Variants in CFAP299 observed in about 807,000 individuals in gnomAD.
The protein encoded by CFAP299 is cilia and flagella associated protein 299, also known as cilia- and flagella-associated protein 299.
In CFAP299, 21 loss-of-function variants were observed where a neutral mutation model predicts 27.0. The ratio of observed to expected loss-of-function variants is 0.78; its 90% CI spans 0.55 to 1.12. CFAP299 has a LOEUF of 1.12. CFAP299 is among the 50% of genes most tolerant of loss of function. The probability of loss-of-function intolerance (pLI) is 0.00; values close to 1 mark genes in which losing one functional copy is unlikely to be tolerated. For missense variants in CFAP299, 310 were observed against 276.6 expected, an observed-to-expected ratio of 1.12 and a Z score of -0.86; for synonymous variants, 104 against 98.1, an observed-to-expected ratio of 1.06 and a Z score of -0.36.
intron 3 of CFAP299, among the ~76,000 whole-genome samples, chr4:80,688,396 A>C (rs956844086): frequency 3.1e-5 from 3 of 97,814 alleles, no homozygotes; most frequent in Non-Finnish European, 6.1e-5. Flanking sequence ...ACCCATGAGC[A>C]GCCTAACTGG....
rs370529672 is a variant in CFAP299 at position 80,692,525 on chromosome 4, A to G, written c.333+109342A>G. Reference sequence around the variant, plus strand: ...AGCTGAAATTGGATCCCTTCCTTACACCTTATACAAAAATCAATTCAAGAT... The same window carrying G: ...AGCTGAAATTGGATCCCTTCCTTACGCCTTATACAAAAATCAATTCAAGAT... On this transcript the variant is annotated intron_variant, in intron 3 of 5. Transcript: ENST00000358105. Among the ~76,000 whole-genome samples, 1,436 of 152,300 alleles carry G rather than the reference A, an allele frequency of 9.4e-3. 18 individuals carry two copies. The highest frequency in any genetic ancestry group is 0.062 in the South Asian group (300 of 4,830).
intron 1 of CFAP299, among the ~76,000 whole-genome samples, chr4:80,359,063 C>T (rs2109994010): frequency 6.6e-6 from 1 of 152,142 alleles, no homozygotes; most frequent in African/African-American, 2.4e-5. Flanking sequence ...GATCTTATTT[C>T]TCCTTTGTTT....
chr4:80,937,308 C>CTTTTTTTTTTTTTTTTTTTTT (rs1736948672), intron 4 of CFAP299, among the ~76,000 whole-genome samples: 1 of 90,818 alleles, frequency 1.1e-5, no homozygotes, highest in Non-Finnish European at 2.1e-5. Flanking sequence ...CTTTTTTTTT[C>CTTTTTTTTTTTTTTTTTTTTT]TTTCTTTTTT....
At chr4:80,392,542 A>G (rs1226902681) in intron 2 of CFAP299, among the ~76,000 whole-genome samples, 1 of 152,152 alleles carries the variant, frequency 6.6e-6, no homozygotes, top group Non-Finnish European at 1.5e-5. Context: ...TGATGGCTTT[A>G]TTAATGGGCT....
At chr4:80,670,153 G>A (rs1186758405) in intron 3 of CFAP299, among the ~76,000 whole-genome samples, 1 of 150,106 alleles carries the variant, frequency 6.7e-6, no homozygotes, top group Non-Finnish European at 1.5e-5. Flanking sequence ...CCCTCCCCAT[G>A]ACAGACCCCC....
chr4:80,627,389 A>C (rs1738965868), intron 3 of CFAP299, among the ~76,000 whole-genome samples: 1 of 151,960 alleles, frequency 6.6e-6, no homozygotes, highest in Non-Finnish European at 1.5e-5. Context: ...TAGCTAACTC[A>C]ATGGGGAGAA....
intron 2 of CFAP299, among the ~76,000 whole-genome samples, chr4:80,421,103 A>G (rs1727266458): frequency 6.6e-6 from 1 of 152,102 alleles, no homozygotes; most frequent in South Asian, 2.1e-4. Context: ...TCCATTATTC[A>G]TAGCCCAGCT....
At chr4:80,394,255 A>G (rs1427512013) in intron 2 of CFAP299, among the ~76,000 whole-genome samples, 1 of 152,076 alleles carries the variant, frequency 6.6e-6, no homozygotes, top group East Asian at 1.9e-4. Flanking sequence ...AAAAATATCC[A>G]TTCAGATCCT....
At chr4:80,473,192 A>C (rs374896098) in intron 2 of CFAP299, among the ~76,000 whole-genome samples, 396 of 152,284 alleles carry the variant, frequency 2.6e-3, no homozygotes, top group South Asian at 0.017. Flanking sequence ...TTGTGGGGCC[A>C]GGAAAGCCTG....
chr4:80,574,668 A>G (rs1040100150), intron 2 of CFAP299, among the ~76,000 whole-genome samples: 1 of 152,112 alleles, frequency 6.6e-6, no homozygotes, highest in African/African-American at 2.4e-5. Flanking sequence ...TTTATCATGA[A>G]AGGATGTTAA....
chr4:80,400,053 A>T (rs1028870527), intron 2 of CFAP299, among the ~76,000 whole-genome samples: 2 of 152,130 alleles, frequency 1.3e-5, no homozygotes, highest in African/African-American at 4.8e-5. Flanking sequence ...CCAACTTGTG[A>T]TGTTATAAGT....
intron 3 of CFAP299, among the ~76,000 whole-genome samples, chr4:80,710,094 CA>C (rs1168623727): frequency 1.3e-5 from 2 of 151,952 alleles, no homozygotes; most frequent in Non-Finnish European, 2.9e-5. Flanking sequence ...AATTGAGGTT[CA>C]AAGGGGGAAG....
rs146055559 is a variant in CFAP299 at position 80,443,935 on chromosome 4, A to G, written c.242+81051A>G. On this transcript the variant is annotated intron_variant, in intron 2 of 5. Coordinates refer to ENST00000358105, the MANE Select transcript of CFAP299 (RefSeq NM_152770.3). ...GAGTGAACTGCCATTCATAATTGCT[A>G]CAAAGAGAATAAAATACCTAGGAAT... Among the ~76,000 whole-genome samples, 31 of 152,272 alleles carry G rather than the reference A, an allele frequency of 2.0e-4. No individual in the cohort carries two copies. In the East Asian group the frequency reaches 5.2e-3, roughly 26 times the overall value.
intron 3 of CFAP299, among the ~76,000 whole-genome samples, chr4:80,820,753 C>T (rs1288357250): frequency 1.3e-5 from 2 of 152,122 alleles, no homozygotes; most frequent in Admixed American, 6.6e-5. Context: ...ATTTCCTCGC[C>T]TGCCATATTG....
intron 3 of CFAP299, among the ~76,000 whole-genome samples, chr4:80,796,240 G>A (rs183527470): frequency 6.6e-6 from 1 of 152,254 alleles, no homozygotes; most frequent in African/African-American, 2.4e-5. Flanking sequence ...TATCTCAACA[G>A]GCCCCACACC....
chr4:80,919,613 A>G (rs188838769), intron 4 of CFAP299, among the ~76,000 whole-genome samples: 10 of 152,268 alleles, frequency 6.6e-5, no homozygotes, highest in African/African-American at 2.2e-4. Flanking sequence ...CACAAATTCA[A>G]TATGTTTGGA....
intron 2 of CFAP299, among the ~76,000 whole-genome samples, chr4:80,505,205 T>C (rs1731961029): frequency 6.6e-6 from 1 of 151,874 alleles, no homozygotes; most frequent in Admixed American, 6.6e-5. Context: ...ACAAATCTTC[T>C]GGGGCAGCAA....
At chr4:80,913,604 A>C (rs1735589955) in intron 4 of CFAP299, among the ~76,000 whole-genome samples, 1 of 152,172 alleles carries the variant, frequency 6.6e-6, no homozygotes, top group African/African-American at 2.4e-5. Flanking sequence ...AGGCTTCGCG[A>C]TTTTGGCAGA....
chr4:80,841,814 A>G (rs893877989), intron 3 of CFAP299, among the ~76,000 whole-genome samples: 1 of 152,102 alleles, frequency 6.6e-6, no homozygotes, highest in African/African-American at 2.4e-5. Context: ...ATGTGACCAA[A>G]AACACTCAAA....
Sources: gnomAD v4.1 joint callset for allele counts (sites outside exome capture counted in the v4.1 genomes callset) on GRCh38, gnomAD v4.1.1 for gene constraint, MANE v1.5 for transcripts, NCBI Gene and HGNC (gene_info 2026-07-23, HGNC 2026-07-21) for gene names.